Variants in MEI4 observed in about 807,000 individuals in gnomAD.
The protein encoded by MEI4 is meiotic double-stranded break formation protein 4.
In MEI4, 27 loss-of-function variants were observed where a neutral mutation model predicts 31.4. The ratio of observed to expected loss-of-function variants is 0.86; its 90% CI spans 0.63 to 1.19. The LOEUF is 1.19. Ranked by LOEUF, MEI4 falls within the 50% of genes most tolerant of loss-of-function variation. The pLI, the probability that MEI4 is intolerant of heterozygous loss-of-function variation, is 0.00. For missense variants in MEI4, 329 were observed against 398.9 expected, an observed-to-expected ratio of 0.82 and a Z score of 1.49; for synonymous variants, 122 against 145.4, an observed-to-expected ratio of 0.84 and a Z score of 1.16.
In MEI4 at chr6:77,847,940, G is replaced by A. The variant is rs79922153; in HGVS notation, c.900+18878G>A. Among the ~76,000 whole-genome samples, 2,658 of 152,140 alleles carry A rather than the reference G, an allele frequency of 0.017. 82 individuals carry two copies. Among genetic ancestry groups the A allele is most frequent in the African/African-American group, 0.06 (2,505 of 41,518 alleles). ...TCACTCAGAATTAGAAAGGAAAAAA[G>A]GAAAGGAAAGAACGTCGGAATATTT... On this transcript the variant is annotated intron_variant, in intron 4 of 4. Transcript: ENST00000684080. The surrounding 1 kb of genome is among the most constrained non-coding windows in gnomAD (Gnocchi z 4.6).
At chr6:77,749,443 A>T (rs1561973486) in intron 2 of MEI4, among the ~76,000 whole-genome samples, 3 of 152,190 alleles carry the variant, frequency 2.0e-5, no homozygotes, top group Non-Finnish European at 4.4e-5. Context: ...TGGAGCTGAA[A>T]AACACAGCAT....
chr6:77,731,746 G>C (rs1028087294), intron 2 of MEI4, among the ~76,000 whole-genome samples: 1 of 151,582 alleles, frequency 6.6e-6, no homozygotes, highest in Non-Finnish European at 1.5e-5. Context: ...TTCTTCTAGG[G>C]TTTTTATGGT....
chr6:77,746,924 A>G (rs892393767), intron 2 of MEI4, among the ~76,000 whole-genome samples: 3 of 152,130 alleles, frequency 2.0e-5, no homozygotes, highest in South Asian at 2.1e-4. Context: ...GTTCAGTTCT[A>G]TAAAGTTTAT....
intron 3 of MEI4, among the ~76,000 whole-genome samples, chr6:77,803,144 C>G (rs1769317791): frequency 6.6e-6 from 1 of 152,162 alleles, no homozygotes; most frequent in African/African-American, 2.4e-5. Flanking sequence ...CACATAGTCC[C>G]ATATTTATTG....
At chr6:77,833,600 A>G (rs1402596693) in intron 4 of MEI4, among the ~76,000 whole-genome samples, 1 of 152,248 alleles carries the variant, frequency 6.6e-6, no homozygotes, top group African/African-American at 2.4e-5. Flanking sequence ...TTCATTTTAC[A>G]TATGTGGATT....
At chr6:77,844,025 T>C (rs1416612088) in intron 4 of MEI4, among the ~76,000 whole-genome samples, 1 of 152,052 alleles carries the variant, frequency 6.6e-6, no homozygotes, top group African/African-American at 2.4e-5. Flanking sequence ...GGTATTTTTA[T>C]CCCTAAGGAG....
chr6:77,719,076 A>G (rs1487411970), intron 2 of MEI4, among the ~76,000 whole-genome samples: 2 of 136,696 alleles, frequency 1.5e-5, no homozygotes, highest in African/African-American at 5.6e-5. Context: ...CTTTCTGTTA[A>G]GTCGCTATCA....
At chr6:77,841,635 C>A (rs1036932879) in intron 4 of MEI4, among the ~76,000 whole-genome samples, 2 of 151,710 alleles carry the variant, frequency 1.3e-5, no homozygotes, top group African/African-American at 4.8e-5. Context: ...AGCCACCACA[C>A]CCAACCCTAT....
chr6:77,865,770 C>G (rs1445867794), intron 4 of MEI4, among the ~76,000 whole-genome samples: 1 of 152,090 alleles, frequency 6.6e-6, no homozygotes, highest in African/African-American at 2.4e-5. Context: ...GGCAGAGACA[C>G]AACAAAAAAA....
chr6:77,777,295 C>T (rs1232688270), intron 3 of MEI4, among the ~76,000 whole-genome samples: 1 of 152,074 alleles, frequency 6.6e-6, no homozygotes, highest in Non-Finnish European at 1.5e-5. Context: ...ACTAACTTAA[C>T]ACAGTACAAT....
chr6:77,754,974 C>T (rs1450291915), intron 2 of MEI4, among the ~76,000 whole-genome samples: 5 of 151,986 alleles, frequency 3.3e-5, no homozygotes, highest in Admixed American at 1.3e-4. Flanking sequence ...AGAACCAAGC[C>T]ATATCAATGG....
chr6:77,926,747 C>G lies in MEI4; in HGVS notation c.*3401C>G, dbSNP rs1365881303. 1 of 151,902 alleles carries G rather than the reference C, an allele frequency of 6.6e-6. No individual in the cohort carries two copies. Among genetic ancestry groups the G allele is most frequent in the Non-Finnish European group, 1.5e-5 (1 of 67,924 alleles). The allele number at this position is 151,902 out of a possible 1,614,324, so 9.4% of individuals were successfully genotyped here. The stretch of plus-strand genomic sequence containing the variant: ...CAATTATTTGCAAAAATAAAACATA[C>G]TAAGCTTTAACTTTTGTCAGATTTA... On this transcript the variant is annotated 3_prime_UTR_variant, in exon 5 of 5. Coordinates refer to ENST00000684080, the MANE Select transcript of MEI4 (RefSeq NM_001322247.2).
chr6:77,909,998 A>C (rs1052013239), intron 4 of MEI4, among the ~76,000 whole-genome samples: 11 of 152,132 alleles, frequency 7.2e-5, no homozygotes, highest in African/African-American at 2.7e-4. Flanking sequence ...GCCTTTGACA[A>C]AATTCAACAA....
intron 3 of MEI4, among the ~76,000 whole-genome samples, chr6:77,800,093 C>T (rs1344903400): frequency 1.3e-5 from 2 of 152,058 alleles, no homozygotes; most frequent in Non-Finnish European, 2.9e-5. Flanking sequence ...GGCAGTATGG[C>T]CATTTTCACG....
chr6:77,789,601 A>G (rs1768856263), intron 3 of MEI4, among the ~76,000 whole-genome samples: 1 of 152,220 alleles, frequency 6.6e-6, no homozygotes, highest in African/African-American at 2.4e-5. Flanking sequence ...GAAGGACATG[A>G]ACAGACACTT....
At chr6:77,750,298 A>G (rs533003865) in intron 2 of MEI4, among the ~76,000 whole-genome samples, 2 of 152,318 alleles carry the variant, frequency 1.3e-5, no homozygotes, top group African/African-American at 2.4e-5. Flanking sequence ...AAAGGGCTAA[A>G]TGCCCCAGTT....
At chr6:77,694,715 A>G (rs1471909496) in intron 2 of MEI4, among the ~76,000 whole-genome samples, 1 of 152,146 alleles carries the variant, frequency 6.6e-6, no homozygotes, top group Non-Finnish European at 1.5e-5. Flanking sequence ...TAGTGCCTCA[A>G]TAAACATACG....
intron 1 of MEI4, among the ~76,000 whole-genome samples, chr6:77,659,545 C>T (rs959127100): frequency 2.4e-4 from 36 of 152,006 alleles, no homozygotes; most frequent in Non-Finnish European, 4.6e-4. Context: ...TATGAGAAAA[C>T]GTTGAGTATC....
At chr6:77,873,920 T>C (rs1159573839) in intron 4 of MEI4, among the ~76,000 whole-genome samples, 2 of 152,230 alleles carry the variant, frequency 1.3e-5, no homozygotes, top group African/African-American at 4.8e-5. Context: ...GTTGTAGATA[T>C]GCGGCATTAT....
Sources: gnomAD v4.1 joint callset for allele counts (sites outside exome capture counted in the v4.1 genomes callset) on GRCh38, gnomAD v4.1.1 for gene constraint, Gnocchi (gnomAD v3.1) non-coding constraint, MANE v1.5 for transcripts, NCBI Gene and HGNC (gene_info 2026-07-23, HGNC 2026-07-21) for gene names.